Variants in STAU1 observed in about 807,000 individuals in gnomAD.
The protein encoded by STAU1 is staufen double-stranded RNA binding protein 1, also known as double-stranded RNA-binding protein Staufen homolog 1.
STAU1 carries 13 observed loss-of-function variants against 62.9 expected under a neutral mutation model. The ratio of observed to expected loss-of-function variants is 0.21; its 90% CI spans 0.13 to 0.33. The LOEUF (loss-of-function observed/expected upper bound fraction) is 0.33, where lower values mean the gene tolerates loss of function less well. Ranked by LOEUF, STAU1 falls within the 10% of genes least tolerant of loss-of-function variation. STAU1 has a pLI of 1.00. For missense variants in STAU1, 571 were observed against 712.1 expected, an observed-to-expected ratio of 0.80 and a Z score of 2.25; for synonymous variants, 269 against 265.1, an observed-to-expected ratio of 1.01 and a Z score of -0.14.
At chr20:49,132,934 A>C (rs2145994340) in intron 6 of STAU1, among the ~76,000 whole-genome samples, 1 of 152,338 alleles carries the variant, frequency 6.6e-6, no homozygotes, top group East Asian at 1.9e-4. Context: ...CTAAACATCT[A>C]ATACATGCCA....
intron 3 of STAU1, 45 bp downstream of exon 3, chr20:49,165,952 T>G: frequency 3.8e-6 from 6 of 1,597,248 alleles, no homozygotes; most frequent in Non-Finnish European, 5.1e-6. Context: ...GAAAACAGGG[T>G]AAGAAAACAT....
At chr20:49,212,348 A>AT in the STAU1 span, among the ~76,000 whole-genome samples, 1 of 151,940 alleles carries the variant, frequency 6.6e-6, no homozygotes, top group Admixed American at 6.6e-5. Context: ...AATTTTGTTT[A>AT]TTTTTCTAGC....
chr20:49,203,291 G>T, the STAU1 span, among the ~76,000 whole-genome samples: 1 of 152,076 alleles, frequency 6.6e-6, no homozygotes, highest in South Asian at 2.1e-4. Context: ...CAGGTGTAGT[G>T]GTGCATGCCT....
intron 1 of STAU1, among the ~76,000 whole-genome samples, chr20:49,182,496 A>G (rs2093736999): frequency 6.6e-6 from 1 of 152,234 alleles, no homozygotes; most frequent in Admixed American, 6.5e-5. Flanking sequence ...GGATTTGGCC[A>G]ACATTATTCA....
At chr20:49,126,886 CA>C (rs1225003318) in intron 6 of STAU1, among the ~76,000 whole-genome samples, 1 of 151,560 alleles carries the variant, frequency 6.6e-6, no homozygotes, top group African/African-American at 2.4e-5. Flanking sequence ...AAAAAAAAAT[CA>C]AACCATGATC....
upstream of STAU1, chr20:49,188,494 G>A (rs2093820688): frequency 6.7e-6 from 1 of 150,034 alleles, no homozygotes; most frequent in Non-Finnish European, 1.5e-5. Context: ...GCGCTCGCAA[G>A]GCACGCCGGG....
At chr20:49,203,344 G>A in the STAU1 span, among the ~76,000 whole-genome samples, 1 of 152,210 alleles carries the variant, frequency 6.6e-6, no homozygotes, top group Non-Finnish European at 1.5e-5. Context: ...AAGATCGCTT[G>A]ACCCGGGGAG....
chr20:49,195,704 T>C, the STAU1 span, among the ~76,000 whole-genome samples: 4 of 149,822 alleles, frequency 2.7e-5, no homozygotes, highest in East Asian at 8.0e-4. Flanking sequence ...GGGAATTTGA[T>C]ACCAGCCTGA....
chr20:49,194,533 A>AG, the STAU1 span, among the ~76,000 whole-genome samples: 66 of 151,320 alleles, frequency 4.4e-4, no homozygotes, highest in Non-Finnish European at 7.1e-4. Flanking sequence ...CCAAGGTGGG[A>AG]GGATTGCTTG....
At chr20:49,167,391 T>C (rs901313376) in intron 2 of STAU1, among the ~76,000 whole-genome samples, 2 of 152,126 alleles carry the variant, frequency 1.3e-5, no homozygotes, top group Admixed American at 1.3e-4. Context: ...AAGAAAGAGA[T>C]GAATGACCAG....
Position 49,134,343 on chromosome 20 carries a change from A to C in STAU1, c.609+1490T>G, listed in dbSNP as rs1430665165. ...CTACTCAGGAGGCTGAGGCAGGAGA[A>C]TCGCTTGAATCTGGGAGGTGGAGGT... On this transcript the variant is annotated intron_variant, in intron 6 of 13. Coordinates refer to ENST00000371856, the MANE Select transcript of STAU1 (RefSeq NM_017453.4). 2.7e-5 allele frequency: 11 copies of C among 408,056 alleles called. No homozygotes were observed. The Admixed American group carries it at 3.9e-4, about 15-fold the overall frequency. The allele number at this position is 408,056 out of a possible 1,614,324, so 25.3% of individuals were successfully genotyped here. A position where few individuals can be genotyped will look rare whatever the true frequency, so the allele number is the denominator to read the frequency against.
chr20:49,181,366 AACTT>A (rs2093722079), intron 1 of STAU1, among the ~76,000 whole-genome samples: 1 of 152,140 alleles, frequency 6.6e-6, no homozygotes. Flanking sequence ...ACATCTATAA[AACTT>A]ACAGCAACAC....
At chr20:49,219,004 A>AC in the STAU1 span, among the ~76,000 whole-genome samples, 1 of 123,644 alleles carries the variant, frequency 8.1e-6, no homozygotes, top group Admixed American at 8.0e-5. Context: ...ACAGAGCCAA[A>AC]CCCTGCCTCA....
Position 49,177,818 on chromosome 20 carries a change from A to AGG in STAU1, c.-159-3551_-159-3550dup, listed in dbSNP as rs976051067. Among the ~76,000 whole-genome samples the AGG allele has an allele frequency of 6.6e-5, 10 of 151,604 alleles. No individual in the cohort carries two copies. The South Asian group carries it at 8.3e-4, about 13-fold the overall frequency. On this transcript the variant is annotated intron_variant, in intron 1 of 13. Transcript: ENST00000371856. ...TAGCAAAGAAAGAAGAGAGAGAGAGAGGGGAGAAATACAGCAGTCATTTGG... is the reference window on the plus strand; with the variant it reads ...TAGCAAAGAAAGAAGAGAGAGAGAGAGGGGGGAGAAATACAGCAGTCATTTGG...
the STAU1 span, among the ~76,000 whole-genome samples, chr20:49,218,188 T>C: frequency 6.6e-6 from 1 of 151,310 alleles, no homozygotes; most frequent in Non-Finnish European, 1.5e-5. Flanking sequence ...AATATATATT[T>C]TTTTAATTCA....
At chr20:49,210,472 C>T in the STAU1 span, 18 of 455,778 alleles carry the variant, frequency 3.9e-5, 1 homozygote, top group South Asian at 2.8e-4. Context: ...TCTCTCTCTC[C>T]TTTTTTTCCT....
At chr20:49,138,985 T>TA (rs560517741) in intron 5 of STAU1, among the ~76,000 whole-genome samples, 42 of 149,286 alleles carry the variant, frequency 2.8e-4, no homozygotes, top group Middle Eastern at 3.4e-3. Context: ...ATATTAAACT[T>TA]AAAAAAAAAA....
intron 5 of STAU1, among the ~76,000 whole-genome samples, chr20:49,144,628 T>C (rs74458758): frequency 0.017 from 2,617 of 152,284 alleles, 72 homozygotes; most frequent in South Asian, 0.083. Flanking sequence ...AGATGAAAAA[T>C]AGAAAAATTC....
At chr20:49,217,647 A>G in the STAU1 span, among the ~76,000 whole-genome samples, 2 of 147,728 alleles carry the variant, frequency 1.4e-5, no homozygotes, top group East Asian at 4.0e-4. Flanking sequence ...GTGGCTCCAA[A>G]GCCCATCCTG....
Sources: allele counts gnomAD v4.1 joint callset (sites outside exome capture counted in the v4.1 genomes callset), GRCh38; gene constraint gnomAD v4.1.1; transcripts MANE v1.5; gene names NCBI Gene and HGNC (gene_info 2026-07-23, HGNC 2026-07-21).